Variants in PRIM2 observed in about 807,000 individuals in gnomAD.
PRIM2 encodes the protein DNA primase subunit 2, also known as DNA primase large subunit.
A neutral mutation model predicts 67.3 loss-of-function variants in PRIM2; 39 were observed. The observed-to-expected ratio is 0.58, with a 90% CI of 0.45 to 0.76. PRIM2 has a LOEUF of 0.76. Among genes scored for constraint, PRIM2 ranks in the 30% least tolerant of loss-of-function variants. The probability of loss-of-function intolerance (pLI) is 0.00; values close to 1 mark genes in which losing one functional copy is unlikely to be tolerated. For missense variants in PRIM2, 398 were observed against 598.7 expected, an observed-to-expected ratio of 0.66 and a Z score of 3.50; for synonymous variants, 143 against 198.7, an observed-to-expected ratio of 0.72 and a Z score of 2.36.
chr6:57,478,836 G>A (rs1366437856), intron 7 of PRIM2, among the ~76,000 whole-genome samples: 4 of 152,100 alleles, frequency 2.6e-5, no homozygotes, highest in South Asian at 2.1e-4. Context: ...TCGATTAAAC[G>A]ATACTCTGGT....
At chr6:57,405,533 T>C (rs1313014551) in intron 7 of PRIM2, among the ~76,000 whole-genome samples, 2 of 137,732 alleles carry the variant, frequency 1.5e-5, no homozygotes, top group Non-Finnish European at 3.1e-5. Context: ...ACTAACTTTC[T>C]CATAGTAATA....
chr6:57,377,251 G>A (rs1386642856), intron 5 of PRIM2, among the ~76,000 whole-genome samples: 2 of 152,090 alleles, frequency 1.3e-5, no homozygotes, highest in Non-Finnish European at 2.9e-5. Flanking sequence ...ATAATTTGTC[G>A]TGGATACTTC....
chr6:57,538,353 A>G (rs1377332691), intron 10 of PRIM2, among the ~76,000 whole-genome samples: 2 of 152,132 alleles, frequency 1.3e-5, no homozygotes, highest in Non-Finnish European at 2.9e-5. Flanking sequence ...TAGATGGACA[A>G]TAATTACTAT....
At chr6:57,444,918 C>T (rs1772318302) in intron 7 of PRIM2, among the ~76,000 whole-genome samples, 1 of 146,856 alleles carries the variant, frequency 6.8e-6, no homozygotes, top group East Asian at 1.9e-4. Flanking sequence ...AGTCTCCTTG[C>T]TCCTTTTTTA....
intron 7 of PRIM2, among the ~76,000 whole-genome samples, chr6:57,470,772 G>A (rs1451216366): frequency 1.3e-5 from 2 of 152,060 alleles, no homozygotes; most frequent in East Asian, 3.9e-4. Flanking sequence ...CCTACATCTT[G>A]TATTTTCATT....
At chr6:57,237,814 T>C in the PRIM2 span, among the ~76,000 whole-genome samples, 1 of 152,254 alleles carries the variant, frequency 6.6e-6, no homozygotes, top group South Asian at 2.1e-4. Context: ...TTTTGGTTAC[T>C]ATAGCCTTGT....
chr6:57,447,181 G>T lies in PRIM2; in HGVS notation c.694-60206G>T, dbSNP rs1042564263. On this transcript the variant is annotated intron_variant, in intron 7 of 13. Coordinates refer to ENST00000615550, the MANE Select transcript of PRIM2 (RefSeq NM_000947.5). ...AATTGAGAGTGGCTTTGGTTTTGTTGTAGGTCTGGATCTATTTACCTTTAT... is the reference window on the plus strand; with the variant it reads ...AATTGAGAGTGGCTTTGGTTTTGTTTTAGGTCTGGATCTATTTACCTTTAT... Among the ~76,000 whole-genome samples the T allele has an allele frequency of 4.6e-5, 7 of 152,216 alleles. No homozygotes were observed. The East Asian group carries it at 1.3e-3, about 29-fold the overall frequency.
At chr6:57,434,647 TTA>T (rs1771952539) in intron 7 of PRIM2, among the ~76,000 whole-genome samples, 2 of 151,308 alleles carry the variant, frequency 1.3e-5, no homozygotes, top group African/African-American at 2.5e-5. Flanking sequence ...ATCTCTTGAT[TTA>T]TTTTTTTTCT....
chr6:57,602,145 C>T (rs1189337895), intron 11 of PRIM2, among the ~76,000 whole-genome samples: 3 of 151,738 alleles, frequency 2.0e-5, no homozygotes, highest in Non-Finnish European at 2.9e-5. Context: ...CTGCAGTCTC[C>T]ACCTCCTGGG....
chr6:57,522,445 A>G (rs1275107470), intron 8 of PRIM2, among the ~76,000 whole-genome samples: 1 of 152,208 alleles, frequency 6.6e-6, no homozygotes, highest in African/African-American at 2.4e-5. Context: ...ATAATTATAT[A>G]TAATTTTAAA....
intron 7 of PRIM2, among the ~76,000 whole-genome samples, chr6:57,394,921 A>T (rs539950133): frequency 6.6e-6 from 1 of 152,242 alleles, no homozygotes; most frequent in African/African-American, 2.4e-5. Flanking sequence ...TGAGATGATC[A>T]TGTGATTTTT....
chr6:57,458,758 G>A (rs544595868), intron 7 of PRIM2, among the ~76,000 whole-genome samples: 11 of 152,268 alleles, frequency 7.2e-5, no homozygotes, highest in African/African-American at 2.6e-4. Flanking sequence ...GACTCTTACA[G>A]TTAGCCCCCC....
At chr6:57,271,032 G>T in the PRIM2 span, among the ~76,000 whole-genome samples, 5 of 152,152 alleles carry the variant, frequency 3.3e-5, no homozygotes, top group Non-Finnish European at 5.9e-5. Flanking sequence ...TGGTTTGCCA[G>T]TATTTTATTG....
intron 5 of PRIM2, among the ~76,000 whole-genome samples, chr6:57,336,314 A>G (rs901401577): frequency 3.3e-5 from 5 of 151,578 alleles, no homozygotes; most frequent in Non-Finnish European, 7.4e-5. Flanking sequence ...AACTTCCCCA[A>G]TCTAGCAAGG....
chr6:57,293,924 C>A, the PRIM2 span, among the ~76,000 whole-genome samples: 2 of 151,900 alleles, frequency 1.3e-5, no homozygotes, highest in Admixed American at 6.6e-5. Context: ...ATTTAACAAA[C>A]CTGCATGTTG....
intron 10 of PRIM2, among the ~76,000 whole-genome samples, chr6:57,539,786 G>C (rs1191328213): frequency 3.9e-5 from 6 of 151,950 alleles, no homozygotes; most frequent in African/African-American, 9.7e-5. Context: ...CTGAGGTCAG[G>C]AGTTCAAGAC....
At chr6:57,455,615 C>CT (rs954795319) in intron 7 of PRIM2, among the ~76,000 whole-genome samples, 1 of 151,978 alleles carries the variant, frequency 6.6e-6, no homozygotes, top group African/African-American at 2.4e-5. Flanking sequence ...CAACCCCTGC[C>CT]TTTTTTTGTT....
chr6:57,235,419 G>A, the PRIM2 span, among the ~76,000 whole-genome samples: 3 of 151,226 alleles, frequency 2.0e-5, no homozygotes, highest in Non-Finnish European at 2.9e-5. Flanking sequence ...AGCTGAGATC[G>A]CGCCACTGCG....
upstream of PRIM2, among the ~76,000 whole-genome samples, chr6:57,312,602 TA>T (rs1341240563): frequency 2.0e-5 from 3 of 152,196 alleles, no homozygotes; most frequent in Admixed American, 1.3e-4. Context: ...CTTGTTTTTT[TA>T]AAAAAAGTTT....
Sources: gnomAD v4.1 joint callset for allele counts (sites outside exome capture counted in the v4.1 genomes callset) on GRCh38, gnomAD v4.1.1 for gene constraint, MANE v1.5 for transcripts, NCBI Gene and HGNC (gene_info 2026-07-23, HGNC 2026-07-21) for gene names.